PHC2: variants seen among roughly 807,000 people sequenced by gnomAD.
PHC2 encodes the protein polyhomeotic-like protein 2.
A neutral mutation model predicts 87.4 loss-of-function variants in PHC2; 29 were observed. That is an observed-to-expected ratio of 0.33 (90% CI 0.25 to 0.45). PHC2 has a LOEUF of 0.45. PHC2 is among the 20% of genes least tolerant of loss of function. PHC2 has a pLI of 1.00. For missense variants in PHC2, 857 were observed against 1,136.7 expected (o/e 0.75, Z 3.54); for synonymous variants, 438 against 461.7 (o/e 0.95, Z 0.66).
Position 33,349,658 on chromosome 1 carries a change from G to A in PHC2, c.1558+4743C>T. ...CTACGCAGCCCCTCGGCCGGGCGCC[G>A]ACTCGCGCGGGGTCCCGGGCCCGGG... On this transcript the variant is annotated intron_variant, in intron 9 of 14. Coordinates refer to ENST00000683057, the MANE Select transcript of PHC2 (RefSeq NM_001385109.1). The surrounding 1 kb of genome is among the most constrained non-coding windows in gnomAD (Gnocchi z 4.2). 1.0e-6 allele frequency: 1 copy of A among 982,940 alleles called. No individual in the cohort carries two copies. The highest frequency in any genetic ancestry group is 1.2e-6 in the Non-Finnish European group (1 of 829,296). 60.9% of individuals were successfully genotyped at this position (982,940 alleles called of 1,614,324 possible). A position where few individuals can be genotyped will look rare whatever the true frequency, so the allele number is the denominator to read the frequency against.
intron 9 of PHC2, among the ~76,000 whole-genome samples, chr1:33,337,920 T>G (rs1294015191): frequency 1.3e-5 from 2 of 152,256 alleles, no homozygotes; most frequent in Non-Finnish European, 2.9e-5. Context: ...ACTGAGAGCA[T>G]AGGTAGAAAG....
intron 1 of PHC2, among the ~76,000 whole-genome samples, chr1:33,416,910 A>G (rs1237956886): frequency 6.6e-6 from 1 of 152,172 alleles, no homozygotes; most frequent in African/African-American, 2.4e-5. Context: ...CATTTTTTAC[A>G]TATCTTTAAA....
At chr1:33,385,792 A>C (rs1253242020) in intron 1 of PHC2, among the ~76,000 whole-genome samples, 1 of 149,972 alleles carries the variant, frequency 6.7e-6, no homozygotes, top group Non-Finnish European at 1.5e-5. Flanking sequence ...CTAGTAACAG[A>C]ATAAAAATTT....
rs1646518070 is a variant in PHC2, at chr1:33,332,280, A to C, written c.1886T>G (p.Leu629Arg). The change falls in exon 11 of 15, where the codon CTG becomes CGG. Residue 629 changes from leucine to arginine, a missense_variant. Leu to Arg is a moderately radical substitution (Grantham distance 102, BLOSUM62 -2). Transcript: ENST00000683057. The surrounding 1 kb of genome is among the most constrained non-coding windows in gnomAD (Gnocchi z 4.2). ...TCAGGGTCTGAGATGCCCACCTTGC[A>C]GATAGGGCTCCTCCATCTCCGAGTC... ...TTDSEMEEPY[L>R]QESKEEGAPL... 6.2e-7 allele frequency: 1 copy of C among 1,614,002 alleles called. No homozygotes were observed. The highest frequency in any genetic ancestry group is 8.5e-7 in the Non-Finnish European group (1 of 1,180,006).
intron 1 of PHC2, among the ~76,000 whole-genome samples, chr1:33,411,475 T>C (rs528909996): frequency 4.6e-5 from 7 of 152,182 alleles, no homozygotes; most frequent in African/African-American, 1.7e-4. Flanking sequence ...GTTGTTGTTA[T>C]ATTAAGGCAA....
Position 33,328,864 on chromosome 1 carries a change from C to T in PHC2, c.2425+6G>A, listed in dbSNP as rs1391480270. ...CGGGGAGACATGGAATTTCCAAGGGCCTTACCTGGCAGAGAGCGGATGAAT... is the reference window on the plus strand; with the variant it reads ...CGGGGAGACATGGAATTTCCAAGGGTCTTACCTGGCAGAGAGCGGATGAAT... On this transcript the variant is annotated splice_donor_region_variant and intron_variant, in intron 14 of 14. Transcript: ENST00000683057. The T allele has an allele frequency of 6.3e-7, 1 of 1,599,920 alleles. No individual in the cohort carries two copies. The highest frequency in any genetic ancestry group is 8.6e-7 in the Non-Finnish European group (1 of 1,168,874).
rs773965245 is a variant in PHC2 at position 33,330,121 on chromosome 1, G to C, written c.2098C>G (p.Arg700Gly). The change falls in exon 13 of 15, where the codon CGG becomes GGG. Residue 700 changes from arginine to glycine, a missense_variant. By Grantham distance (125) the Arg-to-Gly change is moderately radical (BLOSUM62 -2). Coordinates refer to ENST00000683057, the MANE Select transcript of PHC2 (RefSeq NM_001385109.1). ...KAGAATHNRR[R>G]ASKASLPPLT... is the part of the protein sequence containing the mutation. ...GGTGGCAGACTGGCTTTGCTGGCCC[G>C]ACGGCGGTTGTGGGTCGCAGCTCCT... 6.2e-7 allele frequency: 1 copy of C among 1,614,196 alleles called. No individual in the cohort carries two copies. The highest frequency in any genetic ancestry group is 1.7e-5 in the Admixed American group (1 of 60,032).
chr1:33,397,132 G>A (rs1023905682), intron 1 of PHC2, among the ~76,000 whole-genome samples: 6 of 152,298 alleles, frequency 3.9e-5, no homozygotes, highest in African/African-American at 1.2e-4. Flanking sequence ...CTGGGACAAT[G>A]AGAGGAACCA....
At chr1:33,384,169 G>A (rs1557841717) in intron 1 of PHC2, among the ~76,000 whole-genome samples, 1 of 152,150 alleles carries the variant, frequency 6.6e-6, no homozygotes, top group Non-Finnish European at 1.5e-5. Context: ...TCTCAAAAAT[G>A]TGGTCCCTTG....
At chr1:33,340,875 G>A (rs1246915946) in intron 9 of PHC2, among the ~76,000 whole-genome samples, 3 of 143,300 alleles carry the variant, frequency 2.1e-5, no homozygotes, top group Non-Finnish European at 3.0e-5. Context: ...TGAATTACTC[G>A]ACTCAGATAA....
At chr1:33,347,173 G>A (rs948002221) in intron 9 of PHC2, 2 of 985,318 alleles carry the variant, frequency 2.0e-6, no homozygotes, top group African/African-American at 3.5e-5. Context: ...CATAGCTGAG[G>A]GAAGGGCTTG....
In PHC2 at chr1:33,367,437, G is replaced by A; in HGVS notation, c.664-9C>T. 6.5e-7 allele frequency: 1 copy of A among 1,544,464 alleles called. No homozygotes were observed. The highest frequency in any genetic ancestry group is 1.3e-5 in the South Asian group (1 of 79,922). On this transcript the variant is annotated splice_polypyrimidine_tract_variant and intron_variant, in intron 6 of 14. Transcript: ENST00000683057. ...AGGGTCAAGTTCTGTACCTGGAAAA[G>A]AGGGGTCTGTGGGAGTCCAGAGAAT...
At chr1:33,326,377 C>T (rs1463930773) in intron 14 of PHC2, 1 of 156,464 alleles carries the variant, frequency 6.4e-6, no homozygotes, top group African/African-American at 2.4e-5. Context: ...TTTGTGAAGA[C>T]TTCAGAAAGA....
chr1:33,405,220 G>A (rs1649707706), intron 1 of PHC2, among the ~76,000 whole-genome samples: 1 of 147,072 alleles, frequency 6.8e-6, no homozygotes, highest in Admixed American at 6.9e-5. Context: ...ACAGAGTCTC[G>A]CTCTGTGTCG....
chr1:33,372,658 C>CTT (rs1186608802), intron 2 of PHC2, among the ~76,000 whole-genome samples: 1 of 151,506 alleles, frequency 6.6e-6, no homozygotes, highest in African/African-American at 2.4e-5. Context: ...CTTTGTCTAT[C>CTT]TTGCCTCTCT....
intron 1 of PHC2, among the ~76,000 whole-genome samples, chr1:33,425,027 G>A (rs1484258167): frequency 6.6e-6 from 1 of 152,186 alleles, no homozygotes; most frequent in Non-Finnish European, 1.5e-5. Context: ...ATGGTGTCGG[G>A]AAAAGAGCAG....
intron 7 of PHC2, among the ~76,000 whole-genome samples, chr1:33,356,722 T>C (rs6674715): frequency 1 from 152,061 of 152,350 alleles, 75,886 homozygotes; most frequent in Non-Finnish European, 1. Context: ...AATCTGATTT[T>C]TCTTTCTTTT....
chr1:33,368,742 C>A lies in PHC2; in HGVS notation c.577-120G>T. On this transcript the variant is annotated intron_variant, in intron 5 of 14. Transcript: ENST00000683057. This position sits in a 1 kb window ranked among gnomAD's most constrained non-coding sequence, Gnocchi z 6.6. Reference sequence around the variant, plus strand: ...TACCTGCTCGATGTGGACTCAGCCACAGGACACAACTGTTTAGCCCAGGAG... The same window carrying A: ...TACCTGCTCGATGTGGACTCAGCCAAAGGACACAACTGTTTAGCCCAGGAG... 1 of 730,764 alleles carries A rather than the reference C, an allele frequency of 1.4e-6. No individual in the cohort carries two copies. Among genetic ancestry groups the A allele is most frequent in the East Asian group, 2.7e-5 (1 of 37,340 alleles). 45.3% of individuals were successfully genotyped at this position (730,764 alleles called of 1,614,324 possible). A position where few individuals can be genotyped will look rare whatever the true frequency, so the allele number is the denominator to read the frequency against.
At chr1:33,399,863 A>G (rs1649449882) in intron 1 of PHC2, among the ~76,000 whole-genome samples, 1 of 152,202 alleles carries the variant, frequency 6.6e-6, no homozygotes, top group African/African-American at 2.4e-5. Context: ...TCAAGTGAAT[A>G]TAAGTAATTC....
Sources: gnomAD v4.1 joint callset for allele counts (sites outside exome capture counted in the v4.1 genomes callset) on GRCh38, gnomAD v4.1.1 for gene constraint, Gnocchi (gnomAD v3.1) non-coding constraint, MANE v1.5 for transcripts, NCBI Gene and HGNC (gene_info 2026-07-23, HGNC 2026-07-21) for gene names.